ECE1: variants seen among roughly 807,000 people sequenced by gnomAD.
ECE1 encodes the protein endothelin-converting enzyme 1.
Under a neutral mutation model 98.6 loss-of-function variants are expected in ECE1, and 35 were observed. The ratio of observed to expected loss-of-function variants is 0.35; its 90% CI spans 0.27 to 0.47. ECE1 has a LOEUF of 0.47. ECE1 is among the 20% of genes least tolerant of loss of function. The pLI is 1.00. For synonymous variants in ECE1, 394 were observed against 407.1 expected (o/e 0.97, Z 0.39); for missense variants, 814 against 1,025.3 (o/e 0.79, Z 2.81).
chr1:21,241,942 C>T (rs865825337), intron 10 of ECE1, among the ~76,000 whole-genome samples: 7 of 152,290 alleles, frequency 4.6e-5, no homozygotes, highest in African/African-American at 1.7e-4. Flanking sequence ...GCCAGGCAGC[C>T]TCCTCCACCC....
rs978986153 is a variant in ECE1, at chr1:21,220,926, G to A, written c.2137-795C>T. Among the ~76,000 whole-genome samples, 2 of 152,276 alleles carry A rather than the reference G, an allele frequency of 1.3e-5. No homozygotes were observed. The highest frequency in any genetic ancestry group is 4.8e-5 in the African/African-American group (2 of 41,564). On this transcript the variant is annotated intron_variant, in intron 18 of 18. Transcript: ENST00000374893. The surrounding 1 kb of genome is among the most constrained non-coding windows in gnomAD (Gnocchi z 5.0). ...CAGTGGGCTGGTGTAGGGCTGGTGT[G>A]CCACCCCCCATGCCAGCAGCCTCTA...
upstream of ECE1, chr1:21,293,484 C>CGGGAG (rs1558419235): frequency 6.6e-6 from 1 of 152,056 alleles, no homozygotes; most frequent in Non-Finnish European, 1.5e-5. Context: ...TGAGCAAAGG[C>CGGGAG]GGGAGGCAAG....
chr1:21,315,521 T>A (rs1036498215), intron 1 of ECE1, among the ~76,000 whole-genome samples: 2 of 152,122 alleles, frequency 1.3e-5, no homozygotes, highest in Admixed American at 1.3e-4. Flanking sequence ...TGGCCGGGCA[T>A]GGGGGCTCAG....
chr1:21,256,074 T>A lies in ECE1; in HGVS notation c.893A>T (p.Glu298Val), dbSNP rs771381721. 1.9e-6 allele frequency: 3 copies of A among 1,610,882 alleles called. No individual in the cohort carries two copies. Among genetic ancestry groups the A allele is most frequent in the Non-Finnish European group, 8.5e-7 (1 of 1,177,122 alleles). The change falls in exon 8 of 19, where the codon GAG becomes GTG. Residue 298 changes from glutamate (E) to valine (V), a missense_variant. Physicochemically the swap from Glu to Val is moderately radical, Grantham distance 121. Transcript: ENST00000374893. The stretch of plus-strand genomic sequence containing the variant: ...CTGCTGCATCTGGGGCCGGATGGCC[T>A]CCTCGTCCCCGCCGCCCAGCAGCTT... ...LGKLLGGGDE[E>V]AIRPQMQQIL...
intron 1 of ECE1, among the ~76,000 whole-genome samples, chr1:21,303,086 C>T (rs1008568038): frequency 1.3e-5 from 2 of 152,240 alleles, no homozygotes; most frequent in African/African-American, 4.8e-5. Context: ...CCCAGCCCCA[C>T]CACTGGCTGC....
In ECE1 at chr1:21,341,159, G is replaced by A. The variant is rs76128079; in HGVS notation, c.3+4217C>T. Among the ~76,000 whole-genome samples the A allele has an allele frequency of 1.8e-4, 28 of 151,878 alleles. No individual in the cohort carries two copies. The South Asian group carries it at 4.6e-3, about 25-fold the overall frequency. ...TCCCGGTCCAATCCCACAGCCCCCC[G>A]CGTGTCTCCCTGACAACAGTAATTG... On this transcript the variant is annotated intron_variant, in intron 1 of 18. Coordinates refer to the ECE1 transcript ENST00000415912.
intron 1 of ECE1, among the ~76,000 whole-genome samples, chr1:21,313,901 C>T (rs941939293): frequency 3.6e-4 from 55 of 152,056 alleles, no homozygotes; most frequent in Non-Finnish European, 6.0e-4. Context: ...TCACGGAGAA[C>T]GGGTACGAGC....
chr1:21,341,035 C>T (rs959799076), intron 1 of ECE1, among the ~76,000 whole-genome samples: 55 of 151,748 alleles, frequency 3.6e-4, no homozygotes, highest in Middle Eastern at 3.4e-3. Flanking sequence ...GCTCCCTCCA[C>T]CCCCCGCCCC....
intron 2 of ECE1, 77 bp downstream of exon 2, chr1:21,289,993 C>CGGGGGGGGGGGGGGGGGGGGG: frequency 4.5e-6 from 4 of 897,820 alleles, no homozygotes; most frequent in Non-Finnish European, 5.3e-6. Flanking sequence ...TAGGTAGGGG[C>CGGGGGGGGGGGGGGGGGGGGG]GGGGGGCGCG....
At chr1:21,318,206 G>A (rs188671395) in intron 1 of ECE1, among the ~76,000 whole-genome samples, 1 of 152,300 alleles carries the variant, frequency 6.6e-6, no homozygotes, top group Non-Finnish European at 1.5e-5. Flanking sequence ...GGGAGCAGGA[G>A]GCCCTCGTGT....
intron 1 of ECE1, among the ~76,000 whole-genome samples, chr1:21,303,980 G>A (rs1638541216): frequency 6.6e-6 from 1 of 151,252 alleles, no homozygotes; most frequent in Non-Finnish European, 1.5e-5. Context: ...TAACACTTTG[G>A]GGATATTATT....
chr1:21,317,423 G>A (rs546571839), intron 1 of ECE1, among the ~76,000 whole-genome samples: 1 of 152,216 alleles, frequency 6.6e-6, no homozygotes, highest in Non-Finnish European at 1.5e-5. Context: ...AGGCCAGCTC[G>A]CAGGCCTCAG....
intron 2 of ECE1, among the ~76,000 whole-genome samples, chr1:21,280,400 A>G (rs2103340993): frequency 6.6e-6 from 1 of 152,192 alleles, no homozygotes; most frequent in Middle Eastern, 3.4e-3. Flanking sequence ...TCAATCAGGG[A>G]GGGCTTCCTG....
chr1:21,304,251 G>A (rs1219244491), intron 1 of ECE1, among the ~76,000 whole-genome samples: 2 of 144,532 alleles, frequency 1.4e-5, no homozygotes, highest in East Asian at 4.2e-4. Context: ...GGGAGGCGGA[G>A]CTTGCAGTGA....
chr1:21,326,371 G>A (rs1639079021), intron 1 of ECE1, among the ~76,000 whole-genome samples: 1 of 152,082 alleles, frequency 6.6e-6, no homozygotes, highest in Non-Finnish European at 1.5e-5. Context: ...ACCGTGGGGT[G>A]TGTGTGTCGG....
chr1:21,222,805 G>A (rs2098169118), intron 17 of ECE1, among the ~76,000 whole-genome samples: 1 of 122,812 alleles, frequency 8.1e-6, no homozygotes, highest in Non-Finnish European at 1.6e-5. Context: ...TTGCGCCACT[G>A]CACTCCAGCC....
chr1:21,338,748 A>G (rs931010896), intron 1 of ECE1, among the ~76,000 whole-genome samples: 1 of 152,206 alleles, frequency 6.6e-6, no homozygotes, highest in Non-Finnish European at 1.5e-5. Flanking sequence ...CTTGCTTTCA[A>G]TGACCAGATC....
At chr1:21,288,107 A>T (rs2098262623) in intron 2 of ECE1, among the ~76,000 whole-genome samples, 1 of 152,234 alleles carries the variant, frequency 6.6e-6, no homozygotes, top group African/African-American at 2.4e-5. Context: ...CACACAAGCC[A>T]AGCTGGGTAC....
chr1:21,219,770 A>T lies in ECE1; in HGVS notation c.*185T>A. On this transcript the variant is annotated 3_prime_UTR_variant, in exon 19 of 19. Transcript: ENST00000374893. The surrounding 1 kb of genome is among the most constrained non-coding windows in gnomAD (Gnocchi z 4.5). ...GTGCCTGGGATGTCCGGCTCTTCAC[A>T]GGGGATCAGACTGCGGGTCACGTTG... 1.4e-6 allele frequency: 1 copy of T among 716,658 alleles called. No homozygotes were observed. The highest frequency in any genetic ancestry group is 2.4e-6 in the Non-Finnish European group (1 of 424,242). The allele number at this position is 716,658 out of a possible 1,614,324, so 44.4% of individuals were successfully genotyped here.
Sources: allele counts gnomAD v4.1 joint callset (sites outside exome capture counted in the v4.1 genomes callset), GRCh38; gene constraint gnomAD v4.1.1; non-coding constraint Gnocchi (gnomAD v3.1); transcripts MANE v1.5; gene names NCBI Gene and HGNC (gene_info 2026-07-23, HGNC 2026-07-21).